Variants in EGF observed in about 807,000 individuals in gnomAD.
EGF encodes pro-epidermal growth factor.
EGF carries 95 observed loss-of-function variants against 143.8 expected under a neutral mutation model. The ratio of observed to expected loss-of-function variants is 0.66; its 90% CI spans 0.56 to 0.78. The LOEUF is 0.78. Ranked by LOEUF, EGF falls within the 30% of genes least tolerant of loss-of-function variation. EGF has a pLI of 0.00. For synonymous variants in EGF, 510 were observed against 510.5 expected, an observed-to-expected ratio of 1.00 and a Z score of 0.01; for missense variants, 1,320 against 1,470.9, an observed-to-expected ratio of 0.90 and a Z score of 1.68.
At chr4:109,931,380 G>A (rs961000543) in intron 1 of EGF, among the ~76,000 whole-genome samples, 4 of 152,134 alleles carry the variant, frequency 2.6e-5, no homozygotes, top group African/African-American at 4.8e-5. Context: ...AAAAATAAAC[G>A]GTGCTTTGAG....
At chr4:110,009,855 C>G (rs1230386668) in intron 23 of EGF, among the ~76,000 whole-genome samples, 2 of 152,210 alleles carry the variant, frequency 1.3e-5, no homozygotes, top group Non-Finnish European at 2.9e-5. Context: ...CTGAGCTCAG[C>G]TGACATCAGT....
chr4:109,998,954 T>G (rs1253489226), intron 20 of EGF, among the ~76,000 whole-genome samples: 1 of 152,218 alleles, frequency 6.6e-6, no homozygotes, highest in Non-Finnish European at 1.5e-5. Context: ...GAAATGCACA[T>G]TCCCAGTAGA....
chr4:109,942,615 T>A (rs747201369), intron 2 of EGF, among the ~76,000 whole-genome samples: 48 of 152,198 alleles, frequency 3.2e-4, no homozygotes, highest in Non-Finnish European at 2.5e-4. Flanking sequence ...CCAGCTTACC[T>A]GCCCGTGGCT....
chr4:110,011,264 G>C lies in EGF; in HGVS notation c.3433G>C (p.Gly1145Arg). The change falls in exon 24 of 24, where the codon GGC (glycine) becomes CGC (arginine). Residue 1145 changes from glycine (G) to arginine (R), a missense_variant. Gly to Arg is a moderately radical substitution (Grantham distance 125, BLOSUM62 -2). This residue lies in a region of EGF where 1,186 missense variants were observed against 1,313.7 expected (regional missense o/e 0.90). Transcript: ENST00000265171. ...PQLCGMGTEQ[G>R]CWIPVSSDKG... is the part of the protein sequence containing the mutation. ...GTTATGTGGAATGGGCACAGAGCAA[G>C]GCTGCTGGATTCCAGTATCCAGTGA... 1 of 1,614,176 alleles carries C rather than the reference G, an allele frequency of 6.2e-7. No homozygotes were observed.
chr4:109,980,514 C>T, intron 14 of EGF: 1 of 468,752 alleles, frequency 2.1e-6, no homozygotes, highest in East Asian at 4.1e-5. Context: ...GCTCTTCTTT[C>T]TGAATTGCTC....
chr4:109,916,879 C>T (rs1369970868), intron 1 of EGF, among the ~76,000 whole-genome samples: 2 of 152,046 alleles, frequency 1.3e-5, no homozygotes, highest in Non-Finnish European at 2.9e-5. Flanking sequence ...AATAGTTCTA[C>T]AACATTAAAA....
At chr4:109,964,352 T>A in intron 9 of EGF, 49 bp from the exon 10 acceptor site, 1 of 1,612,992 alleles carries the variant, frequency 6.2e-7, no homozygotes, top group East Asian at 2.2e-5. Context: ...TGCCTCTTAG[T>A]TTCTAAGGCA....
chr4:109,934,624 G>A lies in EGF; in HGVS notation c.128-6322G>A, dbSNP rs562300638. On this transcript the variant is annotated intron_variant, in intron 1 of 23. Coordinates refer to ENST00000265171, the MANE Select transcript of EGF (RefSeq NM_001963.6). ...CCATTGCTTTTGGTATTTTAGTCAT[G>A]AAGTCTTTGCCCATGCCTATGTCCT... Among the ~76,000 whole-genome samples the A allele has an allele frequency of 3.3e-5, 5 of 152,280 alleles. No homozygotes were observed. The East Asian group carries it at 9.6e-4, about 29-fold the overall frequency.
At chr4:109,931,730 G>A (rs1171546403) in intron 1 of EGF, among the ~76,000 whole-genome samples, 1 of 152,164 alleles carries the variant, frequency 6.6e-6, no homozygotes, top group Admixed American at 6.5e-5. Context: ...GTAGAGTAGG[G>A]ATCTGCAAAA....
intron 23 of EGF, among the ~76,000 whole-genome samples, chr4:110,009,740 A>G (rs1016901643): frequency 1.1e-4 from 17 of 152,108 alleles, no homozygotes; most frequent in African/African-American, 3.4e-4. Flanking sequence ...AGATTGAGTG[A>G]GGAATGAAAT....
In EGF at chr4:109,994,876, T is replaced by A. The variant is rs753035391; in HGVS notation, c.3001T>A (p.Cys1001Ser). The A allele has an allele frequency of 2.5e-6, 4 of 1,614,164 alleles. No individual in the cohort carries two copies. Among genetic ancestry groups the A allele is most frequent in the Non-Finnish European group, 8.5e-7 (1 of 1,179,972 alleles). Residue 1001 changes from cysteine (C) to serine (S), a missense_variant, in exon 20 of 24, where the codon TGC (cysteine) becomes AGC (serine). Physicochemically the swap from Cys to Ser is moderately radical, Grantham distance 112. Coordinates refer to ENST00000265171, the MANE Select transcript of EGF (RefSeq NM_001963.6). ...MYIEALDKYA[C>S]NCVVGYIGER... ...TATTGAAGCATTGGACAAGTATGCA[T>A]GCAAGTAAGTTAAACTGTCTTGCTG...
At chr4:110,006,067 A>G (rs1167522440) in intron 22 of EGF, among the ~76,000 whole-genome samples, 2 of 152,148 alleles carry the variant, frequency 1.3e-5, no homozygotes, top group East Asian at 3.8e-4. Flanking sequence ...GAGGCTGGGC[A>G]AGTTTGCTCA....
intron 23 of EGF, among the ~76,000 whole-genome samples, chr4:110,010,450 A>G (rs1469024623): frequency 6.6e-6 from 1 of 152,258 alleles, no homozygotes; most frequent in Middle Eastern, 3.4e-3. Flanking sequence ...GACTATTTTA[A>G]TTTTTAAAAA....
chr4:109,988,974 G>A (rs1252798886), intron 18 of EGF, among the ~76,000 whole-genome samples: 1 of 152,080 alleles, frequency 6.6e-6, no homozygotes, highest in East Asian at 1.9e-4. Flanking sequence ...TTCTTTCTGG[G>A]GTTTGAGTGA....
chr4:109,945,762 T>C (rs1337710703), intron 5 of EGF, among the ~76,000 whole-genome samples: 1 of 152,142 alleles, frequency 6.6e-6, no homozygotes, highest in Non-Finnish European at 1.5e-5. Flanking sequence ...AAAAGGACTT[T>C]GAGTTTCTAT....
chr4:109,931,693 C>T (rs952296066), intron 1 of EGF, among the ~76,000 whole-genome samples: 7 of 152,284 alleles, frequency 4.6e-5, no homozygotes, highest in South Asian at 2.1e-4. Flanking sequence ...TCAGCCCAGC[C>T]CTGCTGGATT....
intron 2 of EGF, among the ~76,000 whole-genome samples, chr4:109,941,835 C>T (rs1468277372): frequency 6.6e-6 from 1 of 152,162 alleles, no homozygotes; most frequent in African/African-American, 2.4e-5. Context: ...ACTTCATGTA[C>T]ATACAAAAGA....
intron 1 of EGF, among the ~76,000 whole-genome samples, chr4:109,938,845 G>T (rs1038293041): frequency 3.3e-5 from 5 of 152,184 alleles, no homozygotes; most frequent in African/African-American, 1.2e-4. Context: ...ATCACCAGTG[G>T]AGGCTACAGA....
intron 1 of EGF, among the ~76,000 whole-genome samples, chr4:109,915,481 C>T (rs1237670930): frequency 6.6e-6 from 1 of 152,166 alleles, no homozygotes; most frequent in Non-Finnish European, 1.5e-5. Flanking sequence ...CGGCACAGAT[C>T]CATGGAGTGT....
Sources: allele counts gnomAD v4.1 joint callset (sites outside exome capture counted in the v4.1 genomes callset), GRCh38; gene constraint gnomAD v4.1.1; regional missense constraint gnomAD v4.1.1; transcripts MANE v1.5; gene names NCBI Gene and HGNC (gene_info 2026-07-23, HGNC 2026-07-21).